The following RALYL variants were observed in gnomAD, a reference collection of about 807,000 sequenced individuals.
RALYL encodes RNA-binding Raly-like protein.
In RALYL, 29 loss-of-function variants were observed where a neutral mutation model predicts 35.1. The ratio of observed to expected loss-of-function variants is 0.83; its 90% CI spans 0.61 to 1.13. The LOEUF is 1.13. RALYL is among the 50% of genes most tolerant of loss of function. The probability of loss-of-function intolerance (pLI) is 0.00; values close to 1 mark genes in which losing one functional copy is unlikely to be tolerated. For synonymous variants in RALYL, 120 were observed against 127.6 expected, an observed-to-expected ratio of 0.94 and a Z score of 0.40; for missense variants, 359 against 360.4, an observed-to-expected ratio of 1.00 and a Z score of 0.03.
chr8:84,818,783 A>C (rs573116721), intron 4 of RALYL, among the ~76,000 whole-genome samples: 1 of 152,298 alleles, frequency 6.6e-6, no homozygotes, highest in South Asian at 2.1e-4. Flanking sequence ...AAGATGCAGG[A>C]CTTGAATAGA....
intron 8 of RALYL, among the ~76,000 whole-genome samples, chr8:84,909,465 T>A (rs1847135046): frequency 6.6e-6 from 1 of 152,200 alleles, no homozygotes; most frequent in South Asian, 2.1e-4. Flanking sequence ...TCTATTTATA[T>A]AACACAGAAC....
At chr8:84,534,379 C>T (rs2059464546) in intron 2 of RALYL, among the ~76,000 whole-genome samples, 1 of 152,212 alleles carries the variant, frequency 6.6e-6, no homozygotes. Flanking sequence ...TCCCTCAAAG[C>T]TAGCTGGAGT....
At chr8:84,534,872 C>G (rs997702798) in intron 2 of RALYL, among the ~76,000 whole-genome samples, 3 of 152,162 alleles carry the variant, frequency 2.0e-5, no homozygotes, top group Non-Finnish European at 2.9e-5. Flanking sequence ...CCAAAGGTAA[C>G]TGTTTCGTAG....
At chr8:84,600,586 C>A (rs1815697942) in intron 2 of RALYL, among the ~76,000 whole-genome samples, 1 of 152,096 alleles carries the variant, frequency 6.6e-6, no homozygotes, top group South Asian at 2.1e-4. Context: ...CTGACATTTG[C>A]TTTCCTTCTA....
intron 7 of RALYL, among the ~76,000 whole-genome samples, chr8:84,885,598 G>T (rs1461763185): frequency 6.6e-6 from 1 of 152,062 alleles, no homozygotes; most frequent in African/African-American, 2.4e-5. Flanking sequence ...CTAATAAGTT[G>T]ATTTTAAAAA....
In RALYL at chr8:84,451,597, G is replaced by C. The variant is rs146396836; in HGVS notation, c.-23-77702G>C. Among the ~76,000 whole-genome samples, 538 of 152,078 alleles carry C rather than the reference G, an allele frequency of 3.5e-3. 9 individuals carry two copies. Among genetic ancestry groups the C allele is most frequent in the Middle Eastern group, 0.01 (3 of 294 alleles). ...TATCAGGCTTGAATTCTTAGTAGCT[G>C]ATGGAAAAGTTGCCACTTTAAGATC... On this transcript the variant is annotated intron_variant, in intron 1 of 8. Coordinates refer to ENST00000521268, the MANE Select transcript of RALYL (RefSeq NM_173848.7).
At chr8:84,745,508 T>C (rs1032066642) in intron 2 of RALYL, among the ~76,000 whole-genome samples, 6 of 152,010 alleles carry the variant, frequency 3.9e-5, no homozygotes, top group African/African-American at 1.4e-4. Flanking sequence ...TTGTGTAAGT[T>C]TGTGTCACAG....
At chr8:84,279,532 T>C (rs1836131209) in intron 1 of RALYL, among the ~76,000 whole-genome samples, 2 of 152,332 alleles carry the variant, frequency 1.3e-5, no homozygotes, top group East Asian at 1.9e-4. Context: ...AAGTTTCTAA[T>C]AGAAAGTTTC....
intron 2 of RALYL, among the ~76,000 whole-genome samples, chr8:84,556,961 G>A (rs929977519): frequency 1.6e-4 from 24 of 152,214 alleles, no homozygotes; most frequent in Admixed American, 1.2e-3. Context: ...GTTACTTGAC[G>A]CATAGCATAA....
At chr8:84,334,259 CA>C (rs1238932485) in intron 1 of RALYL, among the ~76,000 whole-genome samples, 2 of 152,020 alleles carry the variant, frequency 1.3e-5, no homozygotes, top group African/African-American at 4.8e-5. Context: ...TACTTTAAAT[CA>C]GTCATGTATT....
At chr8:84,819,734 G>A (rs1828103540) in intron 4 of RALYL, among the ~76,000 whole-genome samples, 1 of 152,174 alleles carries the variant, frequency 6.6e-6, no homozygotes, top group Non-Finnish European at 1.5e-5. Context: ...ATAGCAGGCA[G>A]CAATATAGTG....
intron 2 of RALYL, among the ~76,000 whole-genome samples, chr8:84,566,174 G>A (rs958079333): frequency 3.3e-5 from 5 of 151,442 alleles, no homozygotes; most frequent in East Asian, 2.0e-4. Context: ...AGAACATTTC[G>A]TGCTTTCTCA....
At chr8:84,511,558 G>C (rs909351215) in intron 1 of RALYL, among the ~76,000 whole-genome samples, 1 of 152,144 alleles carries the variant, frequency 6.6e-6, no homozygotes, top group African/African-American at 2.4e-5. Context: ...TGGAACATTT[G>C]AAATCATTTC....
chr8:84,862,366 G>A lies in RALYL; in HGVS notation c.484G>A (p.Ala162Thr). The change falls in exon 6 of 9, where the codon GCA (alanine) becomes ACA (threonine). Residue 162 changes from alanine to threonine, a missense_variant. Transcript: ENST00000521268. Reference sequence around the variant, plus strand: ...AATTCCGCTGAAGCGTCCCAGAGTGGCAGTCACAACGACTCGCAGGGGGAA... The same window carrying A: ...AATTCCGCTGAAGCGTCCCAGAGTGACAGTCACAACGACTCGCAGGGGGAA... ...AVIPLKRPRVAVTTTRRGKGV... is the reference protein window; with the variant it reads ...AVIPLKRPRVTVTTTRRGKGV... 1 of 1,606,944 alleles carries A rather than the reference G, an allele frequency of 6.2e-7. No individual in the cohort carries two copies. Among genetic ancestry groups the A allele is most frequent in the Non-Finnish European group, 8.5e-7 (1 of 1,177,088 alleles).
intron 1 of RALYL, among the ~76,000 whole-genome samples, chr8:84,314,397 A>T (rs955337727): frequency 2.6e-5 from 4 of 152,090 alleles, no homozygotes; most frequent in African/African-American, 9.7e-5. Context: ...AAGAGAAAAG[A>T]TAAGAAATGG....
chr8:84,358,132 A>G (rs866927000), intron 1 of RALYL, among the ~76,000 whole-genome samples: 6 of 152,134 alleles, frequency 3.9e-5, no homozygotes, highest in African/African-American at 9.6e-5. Context: ...AAACAGAAAT[A>G]GATGTTGATG....
intron 3 of RALYL, among the ~76,000 whole-genome samples, chr8:84,793,430 C>A (rs1343802043): frequency 6.6e-6 from 1 of 152,184 alleles, no homozygotes; most frequent in African/African-American, 2.4e-5. Context: ...CATCATTGAA[C>A]TTAGCATTGT....
At chr8:84,276,594 A>G (rs143637749) in intron 1 of RALYL, among the ~76,000 whole-genome samples, 2 of 152,200 alleles carry the variant, frequency 1.3e-5, no homozygotes, top group Non-Finnish European at 2.9e-5. Flanking sequence ...ATTGAGAGGC[A>G]TCAGAACTAG....
intron 1 of RALYL, among the ~76,000 whole-genome samples, chr8:84,367,321 T>TGTTTTTGTTTTTTTTTTTTTTG (rs1563799958): frequency 1.8e-4 from 2 of 11,306 alleles, no homozygotes; most frequent in Non-Finnish European, 1.4e-4. Flanking sequence ...TTTTTGTATT[T>TGTTTTTGTTTTTTTTTTTTTTG]TTTTTTTTTT....
Sources: gnomAD v4.1 joint callset for allele counts (sites outside exome capture counted in the v4.1 genomes callset) on GRCh38, gnomAD v4.1.1 for gene constraint, MANE v1.5 for transcripts, NCBI Gene and HGNC (gene_info 2026-07-23, HGNC 2026-07-21) for gene names.